The following PID1 variants were observed in gnomAD, a reference collection of about 807,000 sequenced individuals.
The protein encoded by PID1 is PTB-containing, cubilin and LRP1-interacting protein.
In PID1, 10 loss-of-function variants were observed where a neutral mutation model predicts 19.1. The observed-to-expected ratio is 0.52, with a 90% confidence interval of 0.32 to 0.89. PID1 has a LOEUF of 0.89. Ranked by LOEUF, PID1 falls within the 40% of genes least tolerant of loss-of-function variation. The probability of loss-of-function intolerance (pLI) is 0.03; values close to 1 mark genes in which losing one functional copy is unlikely to be tolerated. For synonymous variants in PID1, 130 were observed against 116.0 expected (o/e 1.12, Z -0.78); for missense variants, 248 against 285.3 (o/e 0.87, Z 0.94).
At chr2:229,170,125 C>G (rs767040087) in intron 1 of PID1, among the ~76,000 whole-genome samples, 16 of 152,146 alleles carry the variant, frequency 1.1e-4, no homozygotes, top group Admixed American at 6.5e-4. Context: ...TGACTTTGGC[C>G]AAGTCGCATG....
intron 2 of PID1, among the ~76,000 whole-genome samples, chr2:229,139,874 C>T (rs548089908): frequency 2.0e-5 from 3 of 152,260 alleles, no homozygotes; most frequent in South Asian, 4.1e-4. Context: ...CACCTGTTTG[C>T]TAAGAATATC....
chr2:229,087,708 C>A (rs563678619), intron 2 of PID1, among the ~76,000 whole-genome samples: 2 of 152,146 alleles, frequency 1.3e-5, no homozygotes, highest in Non-Finnish European at 2.9e-5. Context: ...GCTTTAAGAT[C>A]ATTTGATGAC....
chr2:229,040,521 G>A (rs1693751559), intron 2 of PID1, among the ~76,000 whole-genome samples: 1 of 152,188 alleles, frequency 6.6e-6, no homozygotes, highest in African/African-American at 2.4e-5. Flanking sequence ...GCATGAAGAA[G>A]TGATACTTCT....
rs185726236 is a variant in PID1, at chr2:229,218,421, C to T, written c.30+52593G>A. Reference sequence around the variant, plus strand: ...CCTGTCCATATACTGTCAAGTTGCACAAGTCGTAATCACAGAGTAACTCTT... The same window carrying T: ...CCTGTCCATATACTGTCAAGTTGCATAAGTCGTAATCACAGAGTAACTCTT... On this transcript the variant is annotated intron_variant, in intron 1 of 2. Coordinates refer to ENST00000392055, the MANE Select transcript of PID1 (RefSeq NM_001100818.2). 5.3e-5 allele frequency among the ~76,000 whole-genome samples: 8 copies of T among 151,884 alleles called. No homozygotes were observed. The East Asian group carries it at 9.7e-4, about 18-fold the overall frequency.
chr2:229,076,568 A>G (rs183665859), intron 2 of PID1, among the ~76,000 whole-genome samples: 1 of 151,626 alleles, frequency 6.6e-6, no homozygotes, highest in East Asian at 1.9e-4. Context: ...AACAGGCCCC[A>G]GTGTGTGATA....
chr2:229,030,677 G>A (rs992320111), intron 2 of PID1, among the ~76,000 whole-genome samples: 1 of 152,040 alleles, frequency 6.6e-6, no homozygotes, highest in Non-Finnish European at 1.5e-5. Context: ...TTTATTGAAA[G>A]TTGTAGACGA....
chr2:229,052,502 A>C (rs1038633415), intron 2 of PID1, among the ~76,000 whole-genome samples: 28 of 152,132 alleles, frequency 1.8e-4, no homozygotes, highest in African/African-American at 6.8e-4. Flanking sequence ...GCTACCAAGG[A>C]TCTTTCCACC....
chr2:229,161,975 G>T (rs1382060360), intron 1 of PID1, among the ~76,000 whole-genome samples: 4 of 152,182 alleles, frequency 2.6e-5, no homozygotes, highest in Non-Finnish European at 4.4e-5. Flanking sequence ...ATAGCAAAAA[G>T]AAATAGCATT....
intron 2 of PID1, among the ~76,000 whole-genome samples, chr2:229,152,072 A>G (rs1376693168): frequency 6.6e-6 from 1 of 152,136 alleles, no homozygotes; most frequent in Non-Finnish European, 1.5e-5. Context: ...CTGCCATAGC[A>G]AATCCACCAA....
At position 229,026,002 on chromosome 2, in the gene PID1, T is replaced by A; in HGVS notation, c.284A>T (p.Asp95Val). Reference sequence around the variant, plus strand: ...CAGGAGGGCATTGGCCGGAAAGACATCCTCTCGGGCTAGCGTGTGCTTCTT... The same window carrying A: ...CAGGAGGGCATTGGCCGGAAAGACAACCTCTCGGGCTAGCGTGTGCTTCTT... ...LWKKHTLARE[D>V]VFPANALLEI... is the part of the protein sequence containing the mutation. Residue 95 changes from aspartate to valine, a missense_variant, in exon 3 of 3, where the codon GAT (aspartate) becomes GTT (valine). Transcript: ENST00000392055. 6.2e-7 allele frequency: 1 copy of A among 1,614,186 alleles called. No homozygotes were observed. Among genetic ancestry groups the A allele is most frequent in the Non-Finnish European group, 8.5e-7 (1 of 1,180,028 alleles).
chr2:229,058,195 A>T (rs2106190414), intron 2 of PID1, among the ~76,000 whole-genome samples: 1 of 152,322 alleles, frequency 6.6e-6, no homozygotes, highest in Non-Finnish European at 1.5e-5. Context: ...GCAATGAACT[A>T]TTACTGGAAG....
intron 1 of PID1, among the ~76,000 whole-genome samples, chr2:229,180,757 C>T (rs1216048090): frequency 2.6e-5 from 4 of 152,330 alleles, no homozygotes; most frequent in South Asian, 4.1e-4. Context: ...TCTTCGTATG[C>T]CATCAACTCC....
chr2:229,050,735 G>T (rs1693977741), intron 2 of PID1, among the ~76,000 whole-genome samples: 1 of 152,104 alleles, frequency 6.6e-6, no homozygotes, highest in Non-Finnish European at 1.5e-5. Flanking sequence ...AAGCTCTGGG[G>T]GTAGCTCAGA....
intron 1 of PID1, among the ~76,000 whole-genome samples, chr2:229,266,754 C>T (rs1438863091): frequency 6.6e-6 from 1 of 152,212 alleles, no homozygotes; most frequent in Admixed American, 6.5e-5. Context: ...AAAGTGGTTA[C>T]AGGATGCAAA....
intron 2 of PID1, among the ~76,000 whole-genome samples, chr2:229,100,688 T>C (rs1208663379): frequency 6.6e-6 from 1 of 152,192 alleles, no homozygotes. Context: ...ACTCCCCAGA[T>C]GGTTTGGTTC....
At chr2:229,057,513 A>AT (rs1329134824) in intron 2 of PID1, among the ~76,000 whole-genome samples, 1 of 152,048 alleles carries the variant, frequency 6.6e-6, no homozygotes, top group Non-Finnish European at 1.5e-5. Context: ...AAGCTACTGC[A>AT]TTTTGCCTTA....
intron 1 of PID1, among the ~76,000 whole-genome samples, chr2:229,263,239 G>A (rs1690505734): frequency 6.6e-6 from 1 of 152,146 alleles, no homozygotes; most frequent in African/African-American, 2.4e-5. Flanking sequence ...AGGTTCAGGT[G>A]CTGCTTACTG....
At chr2:229,129,320 A>G (rs1689664799) in intron 2 of PID1, among the ~76,000 whole-genome samples, 1 of 151,754 alleles carries the variant, frequency 6.6e-6, no homozygotes, top group South Asian at 2.1e-4. Flanking sequence ...AGGCTGAGGC[A>G]GGAGAATGGC....
intron 1 of PID1, among the ~76,000 whole-genome samples, chr2:229,251,750 C>G (rs748746622): frequency 1.3e-5 from 2 of 151,834 alleles, no homozygotes; most frequent in African/African-American, 4.8e-5. Context: ...GCATCAGTTC[C>G]TTAAATTAGC....
Sources: allele counts gnomAD v4.1 joint callset (sites outside exome capture counted in the v4.1 genomes callset), GRCh38; gene constraint gnomAD v4.1.1; transcripts MANE v1.5; gene names NCBI Gene and HGNC (gene_info 2026-07-23, HGNC 2026-07-21).